The following MTERF3 variants were observed in gnomAD, a reference collection of about 807,000 sequenced individuals.
The protein encoded by MTERF3 is mitochondrial transcription termination factor 3.
MTERF3 carries 40 observed loss-of-function variants against 40.5 expected under a neutral mutation model. The ratio of observed to expected loss-of-function variants is 0.99; its 90% CI spans 0.77 to 1.29. MTERF3 has a LOEUF of 1.29. Among genes scored for constraint, MTERF3 ranks in the 50% most tolerant of loss-of-function variants. The pLI is 0.00. For missense variants in MTERF3, 452 were observed against 478.2 expected, an observed-to-expected ratio of 0.95 and a Z score of 0.51; for synonymous variants, 158 against 166.6, an observed-to-expected ratio of 0.95 and a Z score of 0.40.
At chr8:96,261,105 C>T (rs1810377018) in intron 1 of MTERF3, among the ~76,000 whole-genome samples, 3 of 152,204 alleles carry the variant, frequency 2.0e-5, no homozygotes, top group Non-Finnish European at 4.4e-5. Context: ...GTGCCTAGTG[C>T]TTCGCTAGAA....
chr8:96,258,579 A>G lies in MTERF3; in HGVS notation c.112T>C (p.Leu38=). 6.2e-7 allele frequency: 1 copy of G among 1,614,150 alleles called. No individual in the cohort carries two copies. The change falls in exon 2 of 8, where the codon TTA becomes CTA. Residue 38 remains leucine (L), a synonymous_variant. Transcript: ENST00000287025. ...KRFTRPARTL[L]HGFSAQPQIS... is the part of the protein sequence containing the mutation. Reference sequence around the variant, plus strand: ...TGAGGCTGAGCAGAAAAGCCATGTAACAGTGTTCTTGCTGGTCTAGTAAAA... The same window carrying G: ...TGAGGCTGAGCAGAAAAGCCATGTAGCAGTGTTCTTGCTGGTCTAGTAAAA...
chr8:96,248,973 C>G (rs1810072586), intron 4 of MTERF3, among the ~76,000 whole-genome samples: 1 of 152,144 alleles, frequency 6.6e-6, no homozygotes, highest in African/African-American at 2.4e-5. Flanking sequence ...TTAAAAAATT[C>G]TAAGTAATTT....
At chr8:96,255,345 G>C (rs1810260151) in intron 3 of MTERF3, among the ~76,000 whole-genome samples, 1 of 152,082 alleles carries the variant, frequency 6.6e-6, no homozygotes, top group African/African-American at 2.4e-5. Flanking sequence ...AAAGCAATAA[G>C]AATCAAGGAT....
chr8:96,258,918 C>T (rs1184676564), intron 1 of MTERF3, among the ~76,000 whole-genome samples: 1 of 152,070 alleles, frequency 6.6e-6, no homozygotes, highest in Non-Finnish European at 1.5e-5. Flanking sequence ...ACAGGAACTT[C>T]TGAGTGGAAA....
chr8:96,245,820 TAAAG>T (rs1174626703), intron 6 of MTERF3, 36 bp downstream of exon 6: 30 of 1,572,116 alleles, frequency 1.9e-5, no homozygotes, highest in African/African-American at 4.1e-5. Context: ...TTTTAACACT[TAAAG>T]AAACTGATTT....
chr8:96,246,007 A>C, intron 5 of MTERF3, 76 bp from the exon 6 acceptor site: 1 of 1,338,290 alleles, frequency 7.5e-7, no homozygotes, highest in Non-Finnish European at 1.1e-6. Flanking sequence ...AGGCATTATT[A>C]AGATACAAAG....
chr8:96,258,194 G>A (rs939588987), intron 2 of MTERF3, 163 bp downstream of exon 2: 1 of 976,332 alleles, frequency 1.0e-6, no homozygotes, highest in African/African-American at 1.8e-5. Context: ...TTTCTTACCA[G>A]TAAAATAAAG....
intron 1 of MTERF3, 121 bp from the exon 2 acceptor site, chr8:96,258,821 T>A (rs1459292307): frequency 1.4e-5 from 10 of 735,862 alleles, no homozygotes; most frequent in African/African-American, 1.8e-5. Context: ...GAAAGGTGTT[T>A]AAATATATAT....
At chr8:96,250,592 C>T (rs959586398) in intron 4 of MTERF3, among the ~76,000 whole-genome samples, 4 of 113,832 alleles carry the variant, frequency 3.5e-5, no homozygotes, top group East Asian at 2.6e-4. Context: ...CCTGTAGTCA[C>T]CCAGCTACTT....
At chr8:96,242,540 T>G (rs1809947745) in intron 7 of MTERF3, among the ~76,000 whole-genome samples, 1 of 152,200 alleles carries the variant, frequency 6.6e-6, no homozygotes, top group African/African-American at 2.4e-5. Flanking sequence ...GTTACTTAAA[T>G]CTCTTTAAGC....
At chr8:96,261,444 G>C (rs911718170) in intron 1 of MTERF3, 57 bp downstream of exon 1, 1 of 152,522 alleles carries the variant, frequency 6.6e-6, no homozygotes, top group Non-Finnish European at 1.5e-5. Context: ...CGGGTGCGCC[G>C]GAACCTGAAC....
At chr8:96,252,659 T>C (rs1216181946) in intron 3 of MTERF3, among the ~76,000 whole-genome samples, 1 of 152,226 alleles carries the variant, frequency 6.6e-6, no homozygotes, top group Non-Finnish European at 1.5e-5. Flanking sequence ...TAAATCCAAT[T>C]ATTAGATGGA....
rs745557221 is a variant in MTERF3, at chr8:96,258,426, G to A, written c.265C>T (p.Pro89Ser). 1 of 1,614,132 alleles carries A rather than the reference G, an allele frequency of 6.2e-7. No individual in the cohort carries two copies. The highest frequency in any genetic ancestry group is 8.5e-7 in the Non-Finnish European group (1 of 1,179,968). Residue 89 changes from proline to serine, a missense_variant, in exon 2 of 8, where the codon CCT becomes TCT. By Grantham distance (74) the Pro-to-Ser change is moderately conservative. Coordinates refer to ENST00000287025, the MANE Select transcript of MTERF3 (RefSeq NM_015942.5). The part of the protein sequence containing the change: ...ENNSAQSSLL[P>S]SMNEQSQKTQ... The stretch of plus-strand genomic sequence containing the variant: ...TTCTGTGACTGTTCATTCATGGAAG[G>A]AAGCAGACTGCTTTGGGCAGAATTA...
At chr8:96,246,521 C>A in intron 4 of MTERF3, 67 bp from the exon 5 acceptor site, 1 of 1,376,456 alleles carries the variant, frequency 7.3e-7, no homozygotes, top group South Asian at 1.5e-5. Flanking sequence ...GATGGAGTCT[C>A]ATGCTACTTC....
chr8:96,254,045 A>G (rs941279174), intron 3 of MTERF3, among the ~76,000 whole-genome samples: 2 of 152,108 alleles, frequency 1.3e-5, no homozygotes, highest in Non-Finnish European at 2.9e-5. Flanking sequence ...CTTAGGTTTT[A>G]TCTTGTATCA....
chr8:96,250,638 G>T (rs1419976283), intron 4 of MTERF3, among the ~76,000 whole-genome samples: 3 of 23,358 alleles, frequency 1.3e-4, no homozygotes, highest in Admixed American at 3.9e-4. Context: ...AGAAGAAGAA[G>T]AAGAAGAAGA....
intron 6 of MTERF3, 103 bp from the exon 7 acceptor site, chr8:96,244,183 T>C: frequency 2.2e-6 from 2 of 923,070 alleles, no homozygotes; most frequent in South Asian, 1.7e-5. Context: ...TGGAGCTCGC[T>C]ATGTTGCCCA....
rs771977698 is a variant in MTERF3, at chr8:96,239,556, T to C, written c.1189A>G (p.Ile397Val). The C allele has an allele frequency of 6.2e-7, 1 of 1,612,484 alleles. No homozygotes were observed. Among genetic ancestry groups the C allele is most frequent in the South Asian group, 1.1e-5 (1 of 90,806 alleles). Residue 397 changes from isoleucine (I) to valine (V), a missense_variant, in exon 8 of 8, where the codon ATA (isoleucine) becomes GTA (valine). Transcript: ENST00000287025. ...GCTTTGGCAATCTCTTCACAAAATA[T>C]TTCATCAGGAATAGATACTAGTTTG... ...LDKLVSIPDE[I>V]FCEEIAKASV...
intron 3 of MTERF3, among the ~76,000 whole-genome samples, chr8:96,255,970 G>T (rs1054647654): frequency 6.6e-6 from 1 of 152,134 alleles, no homozygotes; most frequent in African/African-American, 2.4e-5. Flanking sequence ...TGAGAGATTA[G>T]AGGTGAGGTA....
Sources: allele counts gnomAD v4.1 joint callset (sites outside exome capture counted in the v4.1 genomes callset), GRCh38; gene constraint gnomAD v4.1.1; transcripts MANE v1.5; gene names NCBI Gene and HGNC (gene_info 2026-07-23, HGNC 2026-07-21).